SPTB: variants seen among roughly 807,000 people sequenced by gnomAD.
SPTB encodes the protein spectrin beta chain, erythrocytic.
Under a neutral mutation model 256.2 loss-of-function variants are expected in SPTB, and 45 were observed. The observed-to-expected ratio is 0.18, with a 90% confidence interval of 0.14 to 0.23. The LOEUF is 0.23. SPTB is among the 10% of genes least tolerant of loss of function. The pLI is 1.00. For missense variants in SPTB, 2,715 were observed against 3,040.4 expected (o/e 0.89, Z 2.52); for synonymous variants, 1,231 against 1,243.1 (o/e 0.99, Z 0.21).
chr14:64,868,749 G>A (rs1882343378), intron 1 of SPTB, among the ~76,000 whole-genome samples: 1 of 152,186 alleles, frequency 6.6e-6, no homozygotes, highest in African/African-American at 2.4e-5. Context: ...GGTATGGAAG[G>A]AGGCTATTGC....
chr14:64,775,441 C>T lies in SPTB; in HGVS notation c.4564-38G>A. On this transcript the variant is annotated intron_variant, in intron 22 of 35. Coordinates refer to ENST00000644917, the MANE Select transcript of SPTB (RefSeq NM_001355436.2). This position sits in a 1 kb window ranked among gnomAD's most constrained non-coding sequence, Gnocchi z 5.0. Reference sequence around the variant, plus strand: ...GGAAGGGCTCGGGGCAGGGCCTTCCCACCATGCGGGGGAGGCTGCTTCAGC... The same window carrying T: ...GGAAGGGCTCGGGGCAGGGCCTTCCTACCATGCGGGGGAGGCTGCTTCAGC... 1 of 1,599,004 alleles carries T rather than the reference C, an allele frequency of 6.3e-7. No individual in the cohort carries two copies. Among genetic ancestry groups the T allele is most frequent in the African/African-American group, 1.3e-5 (1 of 74,830 alleles).
chr14:64,789,985 A>G (rs1246637398), intron 15 of SPTB, among the ~76,000 whole-genome samples: 1 of 152,242 alleles, frequency 6.6e-6, no homozygotes, highest in Non-Finnish European at 1.5e-5. Context: ...AGAGCTATAC[A>G]CGGAAGAGGA....
rs115122850 is a variant in SPTB at position 64,839,557 on chromosome 14, T to C, written c.-51-16412A>G. 3.0e-3 allele frequency among the ~76,000 whole-genome samples: 453 copies of C among 152,326 alleles called. 3 individuals are homozygous for C. The highest frequency in any genetic ancestry group is 0.01 in the African/African-American group (423 of 41,570). ...ACACTAAAAATAGTGAATTTTACTG[T>C]ATGTAAATTATGCTTTGATAGACCT... is the stretch of plus-strand genomic sequence containing the variant. On this transcript the variant is annotated intron_variant, in intron 1 of 35. Coordinates refer to ENST00000644917, the MANE Select transcript of SPTB (RefSeq NM_001355436.2).
chr14:64,768,321 T>C (rs951029944), intron 29 of SPTB: 4 of 238,786 alleles, frequency 1.7e-5, no homozygotes, highest in Non-Finnish European at 2.5e-5. Flanking sequence ...ATTATAGATG[T>C]TACCCACCAT....
chr14:64,804,924 C>T lies in SPTB; in HGVS notation c.300+15G>A. ...CCGATGGCAGCAGCCCCGGGGCCCACAGAAGGGACTTTACCAGCATCTCTC... is the reference window on the plus strand; with the variant it reads ...CCGATGGCAGCAGCCCCGGGGCCCATAGAAGGGACTTTACCAGCATCTCTC... On this transcript the variant is annotated intron_variant, in intron 3 of 35. Transcript: ENST00000644917. The T allele has an allele frequency of 6.2e-7, 1 of 1,613,828 alleles. No individual in the cohort carries two copies. The highest frequency in any genetic ancestry group is 1.3e-5 in the African/African-American group (1 of 75,050).
chr14:64,749,478 G>C lies in SPTB; in HGVS notation c.6820-5C>G. The C allele has an allele frequency of 1.3e-6, 2 of 1,599,302 alleles. No individual in the cohort carries two copies. The highest frequency in any genetic ancestry group is 1.7e-6 in the Non-Finnish European group (2 of 1,177,924). The stretch of plus-strand genomic sequence containing the variant: ...CAGCCAGGACAGCATCTCCTCCTGC[G>C]GGGCGGAGGGTCACGGTGGAGTCTG... On this transcript the variant is annotated splice_polypyrimidine_tract_variant and splice_region_variant and intron_variant, in intron 35 of 35. Transcript: ENST00000644917. The surrounding 1 kb of genome is among the most constrained non-coding windows in gnomAD (Gnocchi z 4.7).
chr14:64,854,383 A>C lies in SPTB; in HGVS notation c.-52+25409T>G, dbSNP rs190272231. On this transcript the variant is annotated intron_variant, in intron 1 of 35. Transcript: ENST00000644917. Reference sequence around the variant, plus strand: ...AACCTCCGCCTCCCAGGTTCATGCCATTCTCCTGCCTCAGCCTCCCGAGTA... The same window carrying C: ...AACCTCCGCCTCCCAGGTTCATGCCCTTCTCCTGCCTCAGCCTCCCGAGTA... Among the ~76,000 whole-genome samples the C allele has an allele frequency of 6.9e-3, 882 of 128,142 alleles. 5 individuals are homozygous for C. The highest frequency in any genetic ancestry group is 0.011 in the Admixed American group (109 of 10,326). The allele number at this position is 128,142 out of a possible 152,430, so 84.1% of individuals were successfully genotyped here.
intron 1 of SPTB, among the ~76,000 whole-genome samples, chr14:64,875,833 C>G (rs1281966769): frequency 1.3e-5 from 2 of 152,196 alleles, no homozygotes; most frequent in East Asian, 3.8e-4. Flanking sequence ...CTCATCAGCC[C>G]ACATAGCACA....
At chr14:64,868,054 G>A (rs2139816951) in intron 1 of SPTB, among the ~76,000 whole-genome samples, 1 of 152,214 alleles carries the variant, frequency 6.6e-6, no homozygotes. Context: ...GATTGTGGAG[G>A]CCCGTGCCTG....
intron 3 of SPTB, among the ~76,000 whole-genome samples, chr14:64,804,327 T>G (rs1196437343): frequency 6.6e-6 from 1 of 152,146 alleles, no homozygotes; most frequent in Non-Finnish European, 1.5e-5. Context: ...ATTCAAGCCT[T>G]TTCATTCAAA....
rs1238023863 is a variant in SPTB at position 64,799,778 on chromosome 14, T to A, written c.1033A>T (p.Ser345Cys). ...GGCTTCTCCACGGTGCGGTAGGTGCTGAAGGCCTGCAGCTGCTGCTGGACG... is the reference window on the plus strand; with the variant it reads ...GGCTTCTCCACGGTGCGGTAGGTGCAGAAGGCCTGCAGCTGCTGCTGGACG... The part of the protein sequence containing the change: ...TGVQQQLQAF[S>C]TYRTVEKPPK... Residue 345 changes from serine (S) to cysteine (C), a missense_variant, in exon 9 of 36, where the codon AGC becomes TGC. Transcript: ENST00000644917. 38 of 1,614,094 alleles carry A rather than the reference T, an allele frequency of 2.4e-5. No individual in the cohort carries two copies. The highest frequency in any genetic ancestry group is 3.2e-5 in the Non-Finnish European group (38 of 1,180,046).
rs757388625 is a variant in SPTB, at chr14:64,824,705, C to T, written c.-51-1560G>A. On this transcript the variant is annotated intron_variant, in intron 1 of 35. Coordinates refer to ENST00000644917, the MANE Select transcript of SPTB (RefSeq NM_001355436.2). The surrounding 1 kb of genome is among the most constrained non-coding windows in gnomAD (Gnocchi z 5.7). ...GGCACACACACAGGCTCATATCTGA[C>T]ACACTGACACACACCAGCACACACA... Among the ~76,000 whole-genome samples the T allele has an allele frequency of 1.3e-5, 2 of 148,690 alleles. 1 individual carries two copies. Among genetic ancestry groups the T allele is most frequent in the Non-Finnish European group, 2.9e-5 (2 of 67,990 alleles).
At chr14:64,751,412 G>A (rs577174191) in intron 33 of SPTB, among the ~76,000 whole-genome samples, 3 of 152,002 alleles carry the variant, frequency 2.0e-5, no homozygotes, top group East Asian at 1.9e-4. Context: ...GAGCCACCAC[G>A]CCCGGCCCCT....
chr14:64,766,097 GGTGT>G (rs1401671819), intron 32 of SPTB, among the ~76,000 whole-genome samples: 1 of 149,208 alleles, frequency 6.7e-6, no homozygotes, highest in East Asian at 2.0e-4. Context: ...TGCGTGTGTG[GGTGT>G]GTGTGGATGT....
rs1314451022 is a variant in SPTB, at chr14:64,784,166, G to A, written c.4002+81C>T. On this transcript the variant is annotated intron_variant, in intron 19 of 35. Coordinates refer to ENST00000644917, the MANE Select transcript of SPTB (RefSeq NM_001355436.2). ...TGTACTGTCAGCAAGCTTTAGGACAGGGTCCACACCCTGGGTGAAGCCCAT... is the reference window on the plus strand; with the variant it reads ...TGTACTGTCAGCAAGCTTTAGGACAAGGTCCACACCCTGGGTGAAGCCCAT... 4 of 1,599,918 alleles carry A rather than the reference G, an allele frequency of 2.5e-6. No homozygotes were observed. The African/African-American group carries it at 5.4e-5, about 21-fold the overall frequency.
intron 2 of SPTB, among the ~76,000 whole-genome samples, chr14:64,808,879 A>C (rs1009867818): frequency 2.6e-5 from 4 of 151,936 alleles, no homozygotes; most frequent in African/African-American, 9.7e-5. Context: ...GGAGTGGTTG[A>C]GGGGGCACCT....
intron 10 of SPTB, 120 bp downstream of exon 10, chr14:64,797,609 G>A (rs1381568808): frequency 7.1e-6 from 6 of 849,858 alleles, no homozygotes; most frequent in Non-Finnish European, 1.2e-5. Flanking sequence ...TAGTCAACAT[G>A]TGGATTAATA....
chr14:64,786,745 G>C lies in SPTB; in HGVS notation c.3220C>G (p.Gln1074Glu), dbSNP rs1205252633. 6.2e-7 allele frequency: 1 copy of C among 1,614,110 alleles called. No individual in the cohort carries two copies. The highest frequency in any genetic ancestry group is 1.7e-5 in the Admixed American group (1 of 60,028). The change falls in exon 16 of 36, where the codon CAG becomes GAG. Residue 1074 changes from glutamine to glutamate, a missense_variant. Transcript: ENST00000644917. The surrounding 1 kb of genome is among the most constrained non-coding windows in gnomAD (Gnocchi z 5.6). The part of the protein sequence containing the change: ...QAFLQDLDDF[Q>E]AWLSITQKAV... The stretch of plus-strand genomic sequence containing the variant: ...TTCTGGGTGATGGAGAGCCAGGCCT[G>C]GAAGTCATCCAGATCCTGCAGGAAG...
At chr14:64,865,808 C>G (rs2139812267) in intron 1 of SPTB, among the ~76,000 whole-genome samples, 1 of 152,332 alleles carries the variant, frequency 6.6e-6, no homozygotes, top group South Asian at 2.1e-4. Context: ...CCCAGAGCAG[C>G]TGCTTTGATT....
Sources: gnomAD v4.1 joint callset for allele counts (sites outside exome capture counted in the v4.1 genomes callset) on GRCh38, gnomAD v4.1.1 for gene constraint, Gnocchi (gnomAD v3.1) non-coding constraint, MANE v1.5 for transcripts, NCBI Gene and HGNC (gene_info 2026-07-23, HGNC 2026-07-21) for gene names.